Variants in MLLT3 observed in about 807,000 individuals in gnomAD.
MLLT3 encodes the protein MLLT3 super elongation complex subunit, also known as protein AF-9.
In MLLT3, 4 loss-of-function variants were observed where a neutral mutation model predicts 53.2. The ratio of observed to expected loss-of-function variants is 0.08; its 90% CI spans 0.04 to 0.17. MLLT3 has a LOEUF of 0.17. MLLT3 is among the 10% of genes least tolerant of loss of function. MLLT3 has a pLI of 1.00. For synonymous variants in MLLT3, 283 were observed against 230.6 expected, an observed-to-expected ratio of 1.23 and a Z score of -2.06; for missense variants, 569 against 684.0, an observed-to-expected ratio of 0.83 and a Z score of 1.87.
intron 2 of MLLT3, among the ~76,000 whole-genome samples, chr9:20,501,953 C>A (rs1427885499): frequency 6.6e-6 from 1 of 151,256 alleles, no homozygotes; most frequent in Non-Finnish European, 1.5e-5. Flanking sequence ...TGGTGACACA[C>A]ACCTGTAATC....
intron 2 of MLLT3, among the ~76,000 whole-genome samples, chr9:20,480,941 T>C (rs545768931): frequency 6.2e-4 from 94 of 152,218 alleles, no homozygotes; most frequent in South Asian, 3.7e-3. Context: ...AACCTATAAA[T>C]AAATAAATTG....
chr9:20,548,187 A>T (rs1818839279), intron 2 of MLLT3, among the ~76,000 whole-genome samples: 1 of 152,230 alleles, frequency 6.6e-6, no homozygotes, highest in Admixed American at 6.5e-5. Flanking sequence ...TCAATTCTCT[A>T]ATCTAACCAC....
intron 5 of MLLT3, among the ~76,000 whole-genome samples, chr9:20,384,662 T>C (rs1180074145): frequency 6.6e-6 from 1 of 152,114 alleles, no homozygotes; most frequent in Non-Finnish European, 1.5e-5. Context: ...AATTAAGATT[T>C]CTTCCCATGT....
At chr9:20,571,370 C>T (rs893503829) in intron 2 of MLLT3, among the ~76,000 whole-genome samples, 3 of 152,110 alleles carry the variant, frequency 2.0e-5, no homozygotes, top group Admixed American at 6.5e-5. Flanking sequence ...GCAAAACCTA[C>T]ATGTAATAAG....
chr9:20,516,530 G>A (rs1034482162), intron 2 of MLLT3, among the ~76,000 whole-genome samples: 2 of 152,134 alleles, frequency 1.3e-5, no homozygotes, highest in African/African-American at 4.8e-5. Flanking sequence ...TTAAATAACT[G>A]TCATGCCAAA....
chr9:20,365,412 T>C (rs1821425299), intron 6 of MLLT3, among the ~76,000 whole-genome samples: 1 of 152,190 alleles, frequency 6.6e-6, no homozygotes. Flanking sequence ...CGATCTCAGC[T>C]CACTGCAACT....
intron 2 of MLLT3, among the ~76,000 whole-genome samples, chr9:20,568,365 G>A (rs1587079500): frequency 2.6e-5 from 4 of 152,214 alleles, no homozygotes; most frequent in South Asian, 4.1e-4. Flanking sequence ...TGGGGAGGAA[G>A]GACTGAAAAC....
rs1037459603 is a variant in MLLT3 at position 20,420,010 on chromosome 9, G to A, written c.421-5585C>T. ...TTTCCACAGAAATTTAGGAATGAAA[G>A]AGGATTAGGGTGTCAAGGTGAAAGA... On this transcript the variant is annotated intron_variant, in intron 4 of 10. Coordinates refer to ENST00000380338, the MANE Select transcript of MLLT3 (RefSeq NM_004529.4). 2.6e-5 allele frequency among the ~76,000 whole-genome samples: 4 copies of A among 152,142 alleles called. No homozygotes were observed. In the South Asian group the frequency reaches 8.3e-4, roughly 32 times the overall value.
At chr9:20,500,758 C>T (rs1423381359) in intron 2 of MLLT3, among the ~76,000 whole-genome samples, 1 of 152,142 alleles carries the variant, frequency 6.6e-6, no homozygotes, top group African/African-American at 2.4e-5. Flanking sequence ...TTTGGTCCTC[C>T]AGGTGTTCTG....
intron 4 of MLLT3, chr9:20,415,334 C>T (rs1311473133): frequency 5.7e-6 from 2 of 347,932 alleles, no homozygotes; most frequent in African/African-American, 4.4e-5. Flanking sequence ...CTGCCTATTT[C>T]ATTTTAAATA....
chr9:20,556,802 G>C (rs910987396), intron 2 of MLLT3, among the ~76,000 whole-genome samples: 1 of 152,040 alleles, frequency 6.6e-6, no homozygotes, highest in Admixed American at 6.6e-5. Context: ...TTTAATGAAT[G>C]GTGGCTGGTA....
intron 2 of MLLT3, among the ~76,000 whole-genome samples, chr9:20,591,908 C>T (rs1411165593): frequency 6.6e-6 from 1 of 152,098 alleles, no homozygotes; most frequent in Admixed American, 6.5e-5. Context: ...ACACTTGTAG[C>T]TAGTCACTCA....
At chr9:20,596,403 G>A (rs531528923) in intron 2 of MLLT3, among the ~76,000 whole-genome samples, 1 of 152,254 alleles carries the variant, frequency 6.6e-6, no homozygotes, top group South Asian at 2.1e-4. Flanking sequence ...AAAATAATAA[G>A]CTCTGGCCAG....
At chr9:20,358,363 C>T (rs986649406) in intron 8 of MLLT3, among the ~76,000 whole-genome samples, 9 of 152,118 alleles carry the variant, frequency 5.9e-5, no homozygotes, top group African/African-American at 1.7e-4. Flanking sequence ...CTTACAAGTG[C>T]ATGGAGAAAG....
intron 2 of MLLT3, among the ~76,000 whole-genome samples, chr9:20,522,949 G>A (rs574756097): frequency 2.0e-5 from 3 of 151,820 alleles, no homozygotes; most frequent in African/African-American, 7.2e-5. Context: ...GCAACAGAGT[G>A]AGACCCTGTC....
intron 5 of MLLT3, among the ~76,000 whole-genome samples, chr9:20,386,920 T>A (rs1822051051): frequency 6.6e-6 from 1 of 152,238 alleles, no homozygotes; most frequent in African/African-American, 2.4e-5. Flanking sequence ...TCTTAATGTA[T>A]TAAGTTGACT....
chr9:20,447,623 T>C (rs768143302), intron 4 of MLLT3, among the ~76,000 whole-genome samples: 6 of 152,182 alleles, frequency 3.9e-5, no homozygotes, highest in Non-Finnish European at 7.4e-5. Context: ...GGAAAATCCA[T>C]CTTTTATCAA....
chr9:20,498,801 G>A (rs967408416), intron 2 of MLLT3, among the ~76,000 whole-genome samples: 1 of 152,176 alleles, frequency 6.6e-6, no homozygotes, highest in Non-Finnish European at 1.5e-5. Context: ...CTCCCAGGCT[G>A]TGGCTTAACT....
At chr9:20,535,851 A>G (rs1009474220) in intron 2 of MLLT3, among the ~76,000 whole-genome samples, 1 of 152,218 alleles carries the variant, frequency 6.6e-6, no homozygotes, top group South Asian at 2.1e-4. Context: ...ATGCCCATCC[A>G]TTTTTAAGCT....
Sources: allele counts gnomAD v4.1 joint callset (sites outside exome capture counted in the v4.1 genomes callset), GRCh38; gene constraint gnomAD v4.1.1; transcripts MANE v1.5; gene names NCBI Gene and HGNC (gene_info 2026-07-23, HGNC 2026-07-21).